TMEM38B: variants seen among roughly 807,000 people sequenced by gnomAD.
TMEM38B encodes the protein transmembrane protein 38B.
In TMEM38B, 24 loss-of-function variants were observed where a neutral mutation model predicts 28.7. The ratio of observed to expected loss-of-function variants is 0.84; its 90% confidence interval spans 0.61 to 1.18. TMEM38B has a LOEUF of 1.18. Ranked by LOEUF, TMEM38B falls within the 50% of genes most tolerant of loss-of-function variation. The pLI, the probability that TMEM38B is intolerant of heterozygous loss-of-function variation, is 0.00. For synonymous variants in TMEM38B, 131 were observed against 127.7 expected (o/e 1.03, Z -0.17); for missense variants, 380 against 350.9 (o/e 1.08, Z -0.66).
At chr9:105,721,782 C>A in intron 3 of TMEM38B, 61 bp downstream of exon 3, 1 of 1,251,642 alleles carries the variant, frequency 8.0e-7, no homozygotes, top group Non-Finnish European at 1.1e-6. Context: ...AATACCATTA[C>A]TGAACAATTC....
chr9:105,710,178 C>T (rs1210299580), intron 2 of TMEM38B: 1 of 407,312 alleles, frequency 2.5e-6, no homozygotes, highest in African/African-American at 2.0e-5. Context: ...GCAGCACCTT[C>T]CACACACCCC....
chr9:105,726,630 A>G (rs1261758685), intron 4 of TMEM38B, among the ~76,000 whole-genome samples: 1 of 152,106 alleles, frequency 6.6e-6, no homozygotes, highest in African/African-American at 2.4e-5. Context: ...CACTTAAAAA[A>G]TAAATAAATA....
At chr9:105,769,936 T>G (rs1023429735) in intron 5 of TMEM38B, among the ~76,000 whole-genome samples, 18 of 152,068 alleles carry the variant, frequency 1.2e-4, no homozygotes, top group Non-Finnish European at 2.9e-5. Flanking sequence ...ATGAGAGTTT[T>G]AAGGAGGAGG....
chr9:105,771,475 C>T (rs1048676900), intron 5 of TMEM38B, among the ~76,000 whole-genome samples: 1 of 152,124 alleles, frequency 6.6e-6, no homozygotes, highest in African/African-American at 2.4e-5. Context: ...TTCATGTTCT[C>T]AGAAAATATT....
rs1473773959 is a variant in TMEM38B at position 105,773,801 on chromosome 9, TTC to T, written c.661-56_661-55del. 12 of 1,504,910 alleles carry T rather than the reference TTC, an allele frequency of 8.0e-6. No individual in the cohort carries two copies. In the Admixed American group the frequency reaches 1.4e-4, roughly 17 times the overall value. 93.2% of individuals were successfully genotyped at this position (1,504,910 alleles called of 1,614,324 possible). A position where few individuals can be genotyped will look rare whatever the true frequency, so the allele number is the denominator to read the frequency against. Reference sequence around the variant, plus strand: ...GCATTTTGATTTTTTTTCCTTTTGTTTCTCTCTCTTGAGAAACAGAAATCATT... The same window carrying T: ...GCATTTTGATTTTTTTTCCTTTTGTTTCTCTCTTGAGAAACAGAAATCATT... On this transcript the variant is annotated intron_variant, in intron 5 of 5. Transcript: ENST00000374692.
At chr9:105,755,592 G>A (rs563906895) in intron 5 of TMEM38B, among the ~76,000 whole-genome samples, 1 of 152,296 alleles carries the variant, frequency 6.6e-6, no homozygotes, top group Admixed American at 6.5e-5. Context: ...CACAGTTTCT[G>A]CAAAGAAGCC....
intron 4 of TMEM38B, among the ~76,000 whole-genome samples, chr9:105,742,071 T>G (rs1837226891): frequency 6.6e-6 from 1 of 152,134 alleles, no homozygotes. Flanking sequence ...AAATATTAAA[T>G]CAGAAGAAAC....
intron 5 of TMEM38B, among the ~76,000 whole-genome samples, chr9:105,755,958 T>C (rs1010471812): frequency 2.0e-5 from 3 of 152,170 alleles, no homozygotes; most frequent in Non-Finnish European, 4.4e-5. Flanking sequence ...TGGCTGAGCA[T>C]GGTGGATCAT....
At chr9:105,710,514 C>T in intron 2 of TMEM38B, 2 of 1,223,956 alleles carry the variant, frequency 1.6e-6, no homozygotes, top group Non-Finnish European at 2.4e-6. Context: ...GTCTTCCGAT[C>T]CCCCTGGGCA....
intron 4 of TMEM38B, among the ~76,000 whole-genome samples, chr9:105,727,746 A>G (rs547909385): frequency 5.3e-5 from 8 of 152,250 alleles, no homozygotes; most frequent in African/African-American, 1.4e-4. Flanking sequence ...TTGAAATGTG[A>G]TTCCCAATGT....
chr9:105,764,240 A>G (rs1442751948), intron 5 of TMEM38B, among the ~76,000 whole-genome samples: 2 of 152,156 alleles, frequency 1.3e-5, no homozygotes, highest in Non-Finnish European at 2.9e-5. Flanking sequence ...AGGGCAATTA[A>G]GCAGGAGAAG....
At chr9:105,735,951 C>A (rs1056361442) in intron 4 of TMEM38B, among the ~76,000 whole-genome samples, 1 of 152,068 alleles carries the variant, frequency 6.6e-6, no homozygotes, top group African/African-American at 2.4e-5. Flanking sequence ...ACTGTAATCT[C>A]GAACTCTTGG....
chr9:105,750,136 T>A (rs1837594195), intron 5 of TMEM38B, among the ~76,000 whole-genome samples: 1 of 152,200 alleles, frequency 6.6e-6, no homozygotes, highest in African/African-American at 2.4e-5. Context: ...TATTTGTATA[T>A]CTTCTTTGGG....
At chr9:105,749,220 A>G (rs2133620565) in intron 5 of TMEM38B, 1 of 712,240 alleles carries the variant, frequency 1.4e-6, no homozygotes, top group Middle Eastern at 3.1e-4. Context: ...TATTTTCCAT[A>G]CTGTGTTAGT....
At chr9:105,711,706 G>C (rs1056586776) in intron 2 of TMEM38B, among the ~76,000 whole-genome samples, 3 of 151,608 alleles carry the variant, frequency 2.0e-5, no homozygotes, top group Admixed American at 2.0e-4. Flanking sequence ...TGTAGTCCCA[G>C]CTATTTGGAA....
intron 5 of TMEM38B, among the ~76,000 whole-genome samples, chr9:105,763,430 A>G (rs968954190): frequency 1.6e-4 from 24 of 152,180 alleles, no homozygotes; most frequent in Non-Finnish European, 2.9e-4. Context: ...AATACAAACT[A>G]CCATCAGAGA....
At chr9:105,766,804 A>C (rs971222599) in intron 5 of TMEM38B, among the ~76,000 whole-genome samples, 4 of 151,658 alleles carry the variant, frequency 2.6e-5, no homozygotes, top group African/African-American at 9.7e-5. Context: ...GGTTTGTTAC[A>C]TATGTATACA....
At chr9:105,733,461 A>G (rs1416971175) in intron 4 of TMEM38B, among the ~76,000 whole-genome samples, 2 of 142,128 alleles carry the variant, frequency 1.4e-5, no homozygotes, top group East Asian at 4.2e-4. Context: ...TGTATTAGGC[A>G]TGAGCTGATG....
chr9:105,740,315 C>T (rs973964939), intron 4 of TMEM38B, among the ~76,000 whole-genome samples: 2 of 143,388 alleles, frequency 1.4e-5, no homozygotes, highest in African/African-American at 5.3e-5. Context: ...GGCCAGAGTG[C>T]AGTGAAGTGA....
Sources: gnomAD v4.1 joint callset for allele counts (sites outside exome capture counted in the v4.1 genomes callset) on GRCh38, gnomAD v4.1.1 for gene constraint, MANE v1.5 for transcripts, NCBI Gene and HGNC (gene_info 2026-07-23, HGNC 2026-07-21) for gene names.